The following REPS1 variants were observed in gnomAD, a reference collection of about 807,000 sequenced individuals.
REPS1 encodes the protein ralBP1-associated Eps domain-containing protein 1.
In REPS1, 39 loss-of-function variants were observed where a neutral mutation model predicts 100.9. The observed-to-expected ratio is 0.39, with a 90% confidence interval of 0.30 to 0.50. REPS1 has a LOEUF of 0.50. REPS1 is among the 20% of genes least tolerant of loss of function. The pLI is 0.86. For missense variants in REPS1, 821 were observed against 968.5 expected (o/e 0.85, Z 2.02); for synonymous variants, 324 against 340.3 (o/e 0.95, Z 0.53).
intron 8 of REPS1, among the ~76,000 whole-genome samples, chr6:138,931,129 T>C (rs750430897): frequency 4.6e-5 from 7 of 152,168 alleles, no homozygotes; most frequent in African/African-American, 9.7e-5. Context: ...CATGGGCAAG[T>C]TGAATGAAAC....
At chr6:138,921,453 G>C (rs1324483850) in intron 10 of REPS1, among the ~76,000 whole-genome samples, 1 of 150,860 alleles carries the variant, frequency 6.6e-6, no homozygotes, top group Non-Finnish European at 1.5e-5. Flanking sequence ...TGAGCCCAGA[G>C]AATAGCCTAA....
chr6:138,950,702 A>G (rs1782961381), intron 1 of REPS1, among the ~76,000 whole-genome samples: 1 of 152,122 alleles, frequency 6.6e-6, no homozygotes, highest in Non-Finnish European at 1.5e-5. Context: ...TTTTTTTGCT[A>G]TTTAGAAATT....
At chr6:138,942,452 T>G (rs775764294) in intron 7 of REPS1, among the ~76,000 whole-genome samples, 3 of 152,144 alleles carry the variant, frequency 2.0e-5, no homozygotes, top group Non-Finnish European at 4.4e-5. Context: ...CGTTTTTTAT[T>G]TATTTTTGAG....
rs73774927 is a variant in REPS1, at chr6:138,971,956, A to G, written c.153+15574T>C. Among the ~76,000 whole-genome samples the G allele has an allele frequency of 1.3e-3, 191 of 152,306 alleles. 1 individual carries two copies. The highest frequency in any genetic ancestry group is 4.3e-3 in the African/African-American group (177 of 41,560). ...TGCCGATGTTTTCTAAACATCTATT[A>G]TGTGTTTTTGCTGTTCTGCACATCA... On this transcript the variant is annotated intron_variant, in intron 1 of 19. Coordinates refer to ENST00000450536, the MANE Select transcript of REPS1 (RefSeq NM_001286611.2).
At chr6:138,923,204 T>C (rs1780893999) in intron 10 of REPS1, among the ~76,000 whole-genome samples, 1 of 152,210 alleles carries the variant, frequency 6.6e-6, no homozygotes, top group African/African-American at 2.4e-5. Flanking sequence ...AGTTATATGT[T>C]GGTTATAAAA....
intron 15 of REPS1, 92 bp from the exon 16 acceptor site, chr6:138,913,042 A>G (rs1483355855): frequency 7.2e-6 from 7 of 965,562 alleles, no homozygotes; most frequent in Non-Finnish European, 9.1e-6. Flanking sequence ...CTTAGTATAT[A>G]AAGATGACCT....
At chr6:138,965,502 G>A (rs906766638) in intron 1 of REPS1, among the ~76,000 whole-genome samples, 1 of 152,048 alleles carries the variant, frequency 6.6e-6, no homozygotes, top group Admixed American at 6.6e-5. Context: ...AATACGATAG[G>A]GTATGGAGAT....
At position 138,987,766 on chromosome 6, in the gene REPS1, C is replaced by T. The variant is rs1012327402; in HGVS notation, c.-84G>A. Reference sequence around the variant, plus strand: ...GGAACCTGGGCCGGCAGGGGCTGCGCGTGGCCCGGCCTCCTGCTAGCTTCC... The same window carrying T: ...GGAACCTGGGCCGGCAGGGGCTGCGTGTGGCCCGGCCTCCTGCTAGCTTCC... On this transcript the variant is annotated 5_prime_UTR_variant, in exon 1 of 20. Coordinates refer to ENST00000450536, the MANE Select transcript of REPS1 (RefSeq NM_001286611.2). The T allele has an allele frequency of 6.5e-6, 9 of 1,393,294 alleles. No individual in the cohort carries two copies. The highest frequency in any genetic ancestry group is 3.0e-5 in the African/African-American group (2 of 65,750). 86.3% of individuals were successfully genotyped at this position (1,393,294 alleles called of 1,614,324 possible).
chr6:138,947,035 GCTCTCTCT>G (rs10581264), intron 2 of REPS1, among the ~76,000 whole-genome samples: 48,198 of 137,570 alleles, frequency 0.35, 9,256 homozygotes, highest in Admixed American at 0.44. Context: ...ATTCCCCCTT[GCTCTCTCT>G]CTCTCTCTCT....
intron 17 of REPS1, among the ~76,000 whole-genome samples, chr6:138,909,076 T>G (rs1779845855): frequency 6.6e-6 from 1 of 152,198 alleles, no homozygotes; most frequent in African/African-American, 2.4e-5. Flanking sequence ...ACTGTAATAT[T>G]CACAGTTTTA....
chr6:138,926,230 G>C (rs1781111127), intron 10 of REPS1, among the ~76,000 whole-genome samples, 171 bp downstream of exon 10: 1 of 152,106 alleles, frequency 6.6e-6, no homozygotes, highest in African/African-American at 2.4e-5. Context: ...TAGAAAAAAG[G>C]AATGGCAAAA....
At chr6:138,956,928 A>G (rs1368545782) in intron 1 of REPS1, among the ~76,000 whole-genome samples, 2 of 152,134 alleles carry the variant, frequency 1.3e-5, no homozygotes, top group Admixed American at 1.3e-4. Context: ...TAAAAGAACC[A>G]TCAGAGAACA....
intron 1 of REPS1, among the ~76,000 whole-genome samples, chr6:138,976,546 T>A (rs1316940751): frequency 6.6e-6 from 1 of 152,224 alleles, no homozygotes; most frequent in Non-Finnish European, 1.5e-5. Flanking sequence ...TTAAAATTAT[T>A]ACTTGTCAGT....
intron 16 of REPS1, among the ~76,000 whole-genome samples, chr6:138,912,049 T>TC (rs1396492560): frequency 6.6e-6 from 1 of 152,026 alleles, no homozygotes; most frequent in Non-Finnish European, 1.5e-5. Context: ...TGCAGCCCAG[T>TC]CCCCTAATGG....
At chr6:138,980,692 G>C (rs1198744469) in intron 1 of REPS1, among the ~76,000 whole-genome samples, 1 of 135,978 alleles carries the variant, frequency 7.4e-6, no homozygotes, top group Non-Finnish European at 1.6e-5. Context: ...GGGCGGGGGG[G>C]GGGGGGAACG....
chr6:138,915,691 G>C (rs1441013096), intron 14 of REPS1, among the ~76,000 whole-genome samples, 167 bp downstream of exon 14: 1 of 151,986 alleles, frequency 6.6e-6, no homozygotes, highest in Non-Finnish European at 1.5e-5. Context: ...AACCTCAAGT[G>C]ATCTGCCTGC....
chr6:138,919,020 T>C (rs1276909868), intron 12 of REPS1, among the ~76,000 whole-genome samples: 1 of 152,210 alleles, frequency 6.6e-6, no homozygotes, highest in Non-Finnish European at 1.5e-5. Flanking sequence ...AAGAATGACA[T>C]TAAAATGAAC....
chr6:138,981,050 A>G (rs75828364), intron 1 of REPS1, among the ~76,000 whole-genome samples: 1,584 of 152,346 alleles, frequency 0.01, 21 homozygotes, highest in African/African-American at 0.036. Flanking sequence ...GTAGAAGTCC[A>G]TAAGATGAGC....
rs775237818 is a variant in REPS1 at position 138,917,569 on chromosome 6, A to C, written c.1587T>G (p.Asn529Lys). Residue 529 changes from asparagine (N) to lysine (K), a missense_variant, in exon 13 of 20, where the codon AAT becomes AAG. Asn to Lys is a moderately conservative substitution (Grantham distance 94). Around this residue, in one of 3 missense-constraint regions of REPS1, gnomAD observed 757 missense variants for 866.4 expected, o/e 0.87. Transcript: ENST00000450536. ...GAAATACTGACCTTTGACGAGTTAC[A>C]TTGCTCCCGATCTGTTCTGGGTCAG... is the stretch of plus-strand genomic sequence containing the variant. ...FTSDPEQIGS[N>K]VTRQRSHSGT... is the part of the protein sequence containing the mutation. The C allele has an allele frequency of 6.2e-7, 1 of 1,613,302 alleles. No individual in the cohort carries two copies. Among genetic ancestry groups the C allele is most frequent in the South Asian group, 1.1e-5 (1 of 91,064 alleles).
Sources: gnomAD v4.1 joint callset for allele counts (sites outside exome capture counted in the v4.1 genomes callset) on GRCh38, gnomAD v4.1.1 for gene constraint, gnomAD v4.1.1 regional missense constraint, MANE v1.5 for transcripts, NCBI Gene and HGNC (gene_info 2026-07-23, HGNC 2026-07-21) for gene names.